The following CDKL2 variants were observed in gnomAD, a reference collection of about 807,000 sequenced individuals.
CDKL2 encodes cyclin-dependent kinase-like 2.
Under a neutral mutation model 63.9 loss-of-function variants are expected in CDKL2, and 64 were observed. That is an observed-to-expected ratio of 1.00 (90% CI 0.82 to 1.23). CDKL2 has a LOEUF of 1.23. Ranked by LOEUF, CDKL2 falls within the 50% of genes most tolerant of loss-of-function variation. The probability of loss-of-function intolerance (pLI) is 0.00; values close to 1 mark genes in which losing one functional copy is unlikely to be tolerated. For synonymous variants in CDKL2, 211 were observed against 229.2 expected (o/e 0.92, Z 0.72); for missense variants, 656 against 668.0 (o/e 0.98, Z 0.20).
intron 8 of CDKL2, among the ~76,000 whole-genome samples, chr4:75,597,749 ATAT>A (rs1319628829): frequency 3.9e-5 from 6 of 152,310 alleles, no homozygotes; most frequent in Non-Finnish European, 5.9e-5. Context: ...TTTTTCACTC[ATAT>A]CCTTTAAGAA....
Position 75,596,922 on chromosome 4 carries a change from T to C in CDKL2, c.1322+13A>G. 4 of 1,589,290 alleles carry C rather than the reference T, an allele frequency of 2.5e-6. No individual in the cohort carries two copies. In the Admixed American group the frequency reaches 5.3e-5, roughly 21 times the overall value. ...CTTAAACACTTTTTTGATCTTATTTTACTAATTCATACCTGTAACCCTGAA... is the reference window on the plus strand; with the variant it reads ...CTTAAACACTTTTTTGATCTTATTTCACTAATTCATACCTGTAACCCTGAA... On this transcript the variant is annotated intron_variant, in intron 9 of 13. Transcript: ENST00000307465.
chr4:75,612,597 G>C (rs1729750754), intron 3 of CDKL2, among the ~76,000 whole-genome samples: 1 of 152,154 alleles, frequency 6.6e-6, no homozygotes, highest in African/African-American at 2.4e-5. Context: ...TCATTTTTAT[G>C]AAGAAGGATG....
chr4:75,581,845 T>G lies in CDKL2; in HGVS notation c.1701A>C (p.Glu567Asp). 6.2e-7 allele frequency: 1 copy of G among 1,612,044 alleles called. No homozygotes were observed. The highest frequency in any genetic ancestry group is 1.1e-5 in the South Asian group (1 of 90,848). ...DDSGADLPQM[E>D]HQH ...ACCAAAATGGTTCTCAGTGCTGGTGTTCCATTTGAGGCAAATCAGCCCCTG... is the reference window on the plus strand; with the variant it reads ...ACCAAAATGGTTCTCAGTGCTGGTGGTCCATTTGAGGCAAATCAGCCCCTG... The change falls in exon 13 of 14, where the codon GAA becomes GAC. Residue 567 changes from glutamate (E) to aspartate (D), a missense_variant. Physicochemically the swap from Glu to Asp is conservative, Grantham distance 45. Transcript: ENST00000307465.
At chr4:75,604,702 A>G (rs1729346823) in intron 5 of CDKL2, among the ~76,000 whole-genome samples, 1 of 152,208 alleles carries the variant, frequency 6.6e-6, no homozygotes, top group African/African-American at 2.4e-5. Context: ...ATTACACCAA[A>G]TGCTTACTGA....
chr4:75,585,934 T>A (rs192406959), intron 12 of CDKL2, among the ~76,000 whole-genome samples: 1 of 152,270 alleles, frequency 6.6e-6, no homozygotes, highest in East Asian at 1.9e-4. Flanking sequence ...CTTGATCTAA[T>A]TTCACATTTA....
Position 75,577,579 on chromosome 4 carries a change from G to A in CDKL2, c.*1623C>T, listed in dbSNP as rs1027116667. 2.6e-5 allele frequency among the ~76,000 whole-genome samples: 4 copies of A among 152,142 alleles called. No homozygotes were observed. The highest frequency in any genetic ancestry group is 7.2e-5 in the African/African-American group (3 of 41,442). ...CATAAAAATAGTATTGAAATAAGCC[G>A]AAGCGCCATTTGGCTTTAAGTATTA... On this transcript the variant is annotated 3_prime_UTR_variant, in exon 14 of 14. Coordinates refer to ENST00000307465, the MANE Select transcript of CDKL2 (RefSeq NM_001330724.2).
chr4:75,614,447 T>A lies in CDKL2; in HGVS notation c.171A>T (p.Gln57His). ...GATTCACCAAGTTTTCATGCCTAAGTTGCTGTTATTAAAAAATGCAAAATA... is the reference window on the plus strand; with the variant it reads ...GATTCACCAAGTTTTCATGCCTAAGATGCTGTTATTAAAAAATGCAAAATA... Reference protein sequence around the residue: ...IAMREIKLLKQLRHENLVNLL... With the variant: ...IAMREIKLLKHLRHENLVNLL... The change falls in exon 3 of 14, where the codon CAA becomes CAT. Residue 57 changes from glutamine (Q) to histidine (H), a missense_variant and splice_region_variant. Transcript: ENST00000307465. 6.5e-7 allele frequency: 1 copy of A among 1,541,166 alleles called. No homozygotes were observed. The highest frequency in any genetic ancestry group is 8.8e-7 in the Non-Finnish European group (1 of 1,141,256).
intron 6 of CDKL2, among the ~76,000 whole-genome samples, chr4:75,600,818 T>C (rs1729158534): frequency 6.6e-6 from 1 of 152,162 alleles, no homozygotes; most frequent in Admixed American, 6.6e-5. Context: ...ATCTAGACAA[T>C]GACCGTCAGT....
intron 3 of CDKL2, among the ~76,000 whole-genome samples, chr4:75,608,122 CT>C (rs34604898): frequency 9.8e-4 from 86 of 88,120 alleles, no homozygotes; most frequent in African/African-American, 2.5e-3. Context: ...GGCCAAAAAC[CT>C]TTTTTTTTTT....
At chr4:75,608,377 G>C (rs1011669397) in intron 3 of CDKL2, among the ~76,000 whole-genome samples, 2 of 151,484 alleles carry the variant, frequency 1.3e-5, no homozygotes, top group Non-Finnish European at 2.9e-5. Flanking sequence ...CACCTGCCTC[G>C]GCCTCCCAAA....
At chr4:75,610,498 G>A (rs1481280748) in intron 3 of CDKL2, among the ~76,000 whole-genome samples, 1 of 151,992 alleles carries the variant, frequency 6.6e-6, no homozygotes, top group Admixed American at 6.6e-5. Flanking sequence ...GAAAAGGGTA[G>A]GCTCTGACAT....
chr4:75,579,250 T>C (rs752891263), intron 13 of CDKL2, 72 bp from the exon 14 acceptor site: 1 of 152,242 alleles, frequency 6.6e-6, no homozygotes, highest in Non-Finnish European at 1.5e-5. Context: ...TCTATCTCAC[T>C]TGCTTTCTCA....
chr4:75,579,892 T>G (rs958913976), intron 13 of CDKL2, among the ~76,000 whole-genome samples: 1 of 152,202 alleles, frequency 6.6e-6, no homozygotes, highest in African/African-American at 2.4e-5. Flanking sequence ...GATCAAAACT[T>G]AAGCTTTGTT....
intron 2 of CDKL2, among the ~76,000 whole-genome samples, chr4:75,619,152 T>G (rs1306466345): frequency 1.3e-5 from 2 of 152,184 alleles, no homozygotes; most frequent in Non-Finnish European, 2.9e-5. Context: ...AGTGTGCTTG[T>G]ATCAGACAGA....
intron 8 of CDKL2, 43 bp downstream of exon 8, chr4:75,598,034 A>T (rs185183992): frequency 2.4e-6 from 3 of 1,255,314 alleles, no homozygotes; most frequent in Non-Finnish European, 3.2e-6. Context: ...AAATTTAAAA[A>T]AATAAGTATA....
At chr4:75,600,013 G>T (rs1182724894) in intron 7 of CDKL2, among the ~76,000 whole-genome samples, 1 of 152,170 alleles carries the variant, frequency 6.6e-6, no homozygotes, top group East Asian at 1.9e-4. Flanking sequence ...AGAAATCAAT[G>T]ATCTGACTGG....
chr4:75,624,201 T>C (rs1730297237), intron 2 of CDKL2, among the ~76,000 whole-genome samples: 2 of 151,384 alleles, frequency 1.3e-5, no homozygotes, highest in South Asian at 4.2e-4. Context: ...ATGGAAACGC[T>C]AACCAAAATT....
Position 75,578,541 on chromosome 4 carries a change from G to A in CDKL2, c.*661C>T, listed in dbSNP as rs1728124091. 1 of 152,140 alleles carries A rather than the reference G, an allele frequency of 6.6e-6. No homozygotes were observed. Among genetic ancestry groups the A allele is most frequent in the African/African-American group, 2.4e-5 (1 of 41,426 alleles). The allele number at this position is 152,140 out of a possible 1,614,324, so 9.4% of individuals were successfully genotyped here. A position where few individuals can be genotyped will look rare whatever the true frequency, so the allele number is the denominator to read the frequency against. ...GCCAGAGTCTCATAATACACTGATA[G>A]AATATCAAAAATAATTACAGAAGTC... On this transcript the variant is annotated 3_prime_UTR_variant, in exon 14 of 14. Transcript: ENST00000307465.
chr4:75,591,522 A>C (rs1371670648), intron 12 of CDKL2, among the ~76,000 whole-genome samples: 1 of 152,128 alleles, frequency 6.6e-6, no homozygotes, highest in African/African-American at 2.4e-5. Flanking sequence ...GCTTAAGCTC[A>C]AGGGTTTGAA....
Sources: allele counts gnomAD v4.1 joint callset (sites outside exome capture counted in the v4.1 genomes callset), GRCh38; gene constraint gnomAD v4.1.1; transcripts MANE v1.5; gene names NCBI Gene and HGNC (gene_info 2026-07-23, HGNC 2026-07-21).